The following USH2A variants were observed in gnomAD, a reference collection of about 807,000 sequenced individuals.
USH2A encodes the protein usherin, also known as Usher syndrome 2A (autosomal recessive, mild).
Under a neutral mutation model 538.9 loss-of-function variants are expected in USH2A, and 443 were observed. The observed-to-expected ratio is 0.82, with a 90% confidence interval of 0.76 to 0.89. The LOEUF is 0.89. Ranked by LOEUF, USH2A falls within the 40% of genes least tolerant of loss-of-function variation. The probability of loss-of-function intolerance (pLI) is 0.00; values close to 1 mark genes in which losing one functional copy is unlikely to be tolerated. For synonymous variants in USH2A, 2,413 were observed against 2,273.5 expected (o/e 1.06, Z -1.75); for missense variants, 6,633 against 6,324.8 (o/e 1.05, Z -1.65).
At chr1:216,308,923 AC>A (rs1459842978) in intron 9 of USH2A, among the ~76,000 whole-genome samples, 1 of 152,200 alleles carries the variant, frequency 6.6e-6, no homozygotes, top group Non-Finnish European at 1.5e-5. Context: ...CAGCACAAGT[AC>A]CATGCTGAGC....
intron 9 of USH2A, among the ~76,000 whole-genome samples, chr1:216,294,939 C>T (rs1172125121): frequency 6.6e-6 from 1 of 151,480 alleles, no homozygotes; most frequent in Admixed American, 6.6e-5. Context: ...TTTTCCTTTG[C>T]CTGTAAAACA....
At chr1:215,992,904 T>A (rs1335475422) in intron 35 of USH2A, 116 bp downstream of exon 35, 43 of 1,507,136 alleles carry the variant, frequency 2.9e-5, no homozygotes, top group Non-Finnish European at 3.8e-5. Context: ...ATCTTAGGTA[T>A]TTTATGTGCT....
At chr1:215,950,714 C>T (rs1304450708) in intron 37 of USH2A, among the ~76,000 whole-genome samples, 1 of 151,648 alleles carries the variant, frequency 6.6e-6, no homozygotes, top group African/African-American at 2.4e-5. Context: ...GTTTCACCAT[C>T]TTGGACAGGC....
intron 48 of USH2A, among the ~76,000 whole-genome samples, chr1:215,814,688 C>T (rs1439411958): frequency 6.6e-6 from 1 of 152,102 alleles, no homozygotes; most frequent in Non-Finnish European, 1.5e-5. Context: ...TTGTAAGTTT[C>T]CTGAGGCCTC....
chr1:215,980,016 C>G (rs1487872715), intron 35 of USH2A, among the ~76,000 whole-genome samples: 1 of 152,094 alleles, frequency 6.6e-6, no homozygotes, highest in Non-Finnish European at 1.5e-5. Flanking sequence ...TTGGGAGAAA[C>G]TGAATTAAAG....
chr1:215,993,509 A>AACACACACACACACACACACAC (rs66804361), intron 34 of USH2A, among the ~76,000 whole-genome samples: 61 of 146,452 alleles, frequency 4.2e-4, no homozygotes, highest in African/African-American at 1.2e-3. Context: ...GAGTGAATTA[A>AACACACACACACACACACACAC]ACACACACAC....
intron 21 of USH2A, among the ~76,000 whole-genome samples, chr1:216,136,691 G>A (rs1477905363): frequency 6.6e-6 from 1 of 152,192 alleles, no homozygotes; most frequent in East Asian, 1.9e-4. Flanking sequence ...GGGGTAGGGT[G>A]AGGCCCTACT....
At chr1:215,697,303 C>T (rs1419877163) in intron 61 of USH2A, among the ~76,000 whole-genome samples, 2 of 152,008 alleles carry the variant, frequency 1.3e-5, no homozygotes, top group Non-Finnish European at 2.9e-5. Context: ...CTAAAGATTA[C>T]TCTCTATGGT....
intron 47 of USH2A, among the ~76,000 whole-genome samples, chr1:215,830,361 C>G (rs778731387): frequency 3.9e-5 from 6 of 152,148 alleles, no homozygotes; most frequent in Non-Finnish European, 5.9e-5. Flanking sequence ...AAATTGGAAT[C>G]TAAAGCCCCA....
chr1:215,867,677 T>A (rs558512345), intron 43 of USH2A, among the ~76,000 whole-genome samples: 1 of 152,314 alleles, frequency 6.6e-6, no homozygotes, highest in African/African-American at 2.4e-5. Flanking sequence ...GATAAACCCC[T>A]AAATTAAATT....
intron 14 of USH2A, among the ~76,000 whole-genome samples, chr1:216,231,175 A>T (rs909204294): frequency 7.3e-6 from 1 of 136,814 alleles, no homozygotes; most frequent in African/African-American, 2.7e-5. Context: ...GATGCAATGA[A>T]CTAATAAATA....
chr1:216,362,060 A>G (rs1402117181), intron 4 of USH2A, among the ~76,000 whole-genome samples: 1 of 152,204 alleles, frequency 6.6e-6, no homozygotes, highest in African/African-American at 2.4e-5. Flanking sequence ...ACAGGTGTAT[A>G]TAAATATTAA....
chr1:216,324,871 A>G (rs1053427274), intron 6 of USH2A, among the ~76,000 whole-genome samples: 4 of 152,142 alleles, frequency 2.6e-5, no homozygotes, highest in Non-Finnish European at 5.9e-5. Flanking sequence ...TCCCAAATAG[A>G]TATGTCCAAG....
chr1:216,331,402 T>C (rs1438554398), intron 4 of USH2A, among the ~76,000 whole-genome samples: 1 of 151,950 alleles, frequency 6.6e-6, no homozygotes, highest in Non-Finnish European at 1.5e-5. Flanking sequence ...AGTCAGAAAA[T>C]AGACAGGTGA....
intron 61 of USH2A, among the ~76,000 whole-genome samples, chr1:215,693,256 C>T (rs1409005768): frequency 6.6e-6 from 1 of 151,832 alleles, no homozygotes; most frequent in East Asian, 1.9e-4. Context: ...GTTGGGATTA[C>T]AGGTATGAGC....
chr1:215,781,934 T>C, intron 54 of USH2A, 108 bp downstream of exon 54: 1 of 1,482,232 alleles, frequency 6.7e-7, no homozygotes. Flanking sequence ...AACACCACTT[T>C]GAGGAGGGAC....
At chr1:216,223,371 C>T (rs985076987) in intron 14 of USH2A, among the ~76,000 whole-genome samples, 4 of 152,120 alleles carry the variant, frequency 2.6e-5, no homozygotes, top group African/African-American at 9.7e-5. Context: ...TATAGTTTGG[C>T]AGCCATAGGA....
rs1051313712 is a variant in USH2A, at chr1:216,116,073, ATTAC to A, written c.4628-18864_4628-18861del. ...TTTTTAATACAAATGAATTTTTATC[ATTAC>A]TTACTCTGTGTTTCTATAAAATTAA... On this transcript the variant is annotated intron_variant, in intron 21 of 71. Transcript: ENST00000307340. Among the ~76,000 whole-genome samples, 46 of 151,746 alleles carry A rather than the reference ATTAC, an allele frequency of 3.0e-4. 1 individual carries two copies. The highest frequency in any genetic ancestry group is 2.6e-4 in the Admixed American group (4 of 15,248).
At chr1:216,235,042 G>C (rs993418112) in intron 13 of USH2A, among the ~76,000 whole-genome samples, 1 of 152,100 alleles carries the variant, frequency 6.6e-6, no homozygotes, top group African/African-American at 2.4e-5. Context: ...TTTTTAAGCA[G>C]TTCTAATTAG....
Sources: allele counts gnomAD v4.1 joint callset (sites outside exome capture counted in the v4.1 genomes callset), GRCh38; gene constraint gnomAD v4.1.1; transcripts MANE v1.5; gene names NCBI Gene and HGNC (gene_info 2026-07-23, HGNC 2026-07-21).